DMBT1: variants seen among roughly 807,000 people sequenced by gnomAD.
The protein encoded by DMBT1 is scavenger receptor cysteine-rich domain-containing protein DMBT1.
A neutral mutation model predicts 252.9 loss-of-function variants in DMBT1; 198 were observed. The observed-to-expected ratio is 0.78, with a 90% CI of 0.70 to 0.88. The LOEUF is 0.88. DMBT1 is among the 40% of genes least tolerant of loss of function. The pLI is 0.00. For synonymous variants in DMBT1, 990 were observed against 942.7 expected, an observed-to-expected ratio of 1.05 and a Z score of -0.92; for missense variants, 2,432 against 2,404.7, an observed-to-expected ratio of 1.01 and a Z score of -0.24.
At chr10:122,566,055 TG>T in intron 2 of DMBT1, 59 bp downstream of exon 2, 1 of 1,556,870 alleles carries the variant, frequency 6.4e-7, no homozygotes, top group South Asian at 1.1e-5. Context: ...CCTCTGCTAC[TG>T]TTGGCTAGTT....
At chr10:122,617,490 C>G (rs1299192648) in intron 40 of DMBT1, among the ~76,000 whole-genome samples, 1 of 151,468 alleles carries the variant, frequency 6.6e-6, no homozygotes, top group Non-Finnish European at 1.5e-5. Flanking sequence ...AGGAACGATC[C>G]TCATCCAGGT....
At chr10:122,593,393 C>T (rs1212982500) in intron 20 of DMBT1, among the ~76,000 whole-genome samples, 176 bp from the exon 21 acceptor site, 1 of 148,162 alleles carries the variant, frequency 6.7e-6, no homozygotes, top group Non-Finnish European at 1.5e-5. Context: ...AAGGATCTGC[C>T]TCGACCCCTT....
intron 55 of DMBT1, among the ~76,000 whole-genome samples, chr10:122,641,911 C>CT: frequency 6.6e-6 from 1 of 152,236 alleles, no homozygotes; most frequent in East Asian, 1.9e-4. Flanking sequence ...TGCCCAGGCC[C>CT]TACCCATACA....
At position 122,622,650 on chromosome 10, in the gene DMBT1, T is replaced by C. The variant is rs1207987247; in HGVS notation, c.5608+1270T>C. 3.3e-5 allele frequency among the ~76,000 whole-genome samples: 5 copies of C among 152,274 alleles called. No individual in the cohort carries two copies. In the East Asian group the frequency reaches 7.7e-4, roughly 24 times the overall value. Reference sequence around the variant, plus strand: ...CTGACAAGGCCTGGGAGGACTTTGATTGACCTGCTTGTAAACAGGTGCTTT... The same window carrying C: ...CTGACAAGGCCTGGGAGGACTTTGACTGACCTGCTTGTAAACAGGTGCTTT... On this transcript the variant is annotated intron_variant, in intron 44 of 55. Coordinates refer to ENST00000338354, the MANE Select transcript of DMBT1 (RefSeq NM_001377530.1).
intron 2 of DMBT1, among the ~76,000 whole-genome samples, chr10:122,569,684 A>G (rs118116505): frequency 0.021 from 3,241 of 152,230 alleles, 60 homozygotes; most frequent in South Asian, 0.033. Context: ...CCCCAAGGGG[A>G]CATGGTCCTC....
chr10:122,576,775 C>T (rs2133544304), intron 7 of DMBT1, 53 bp downstream of exon 7: 1 of 1,605,962 alleles, frequency 6.2e-7, no homozygotes, highest in South Asian at 1.1e-5. Flanking sequence ...GCCTTTAATC[C>T]CCACACTTTG....
Position 122,633,592 on chromosome 10 carries a change from C to A in DMBT1, c.6548+251C>A, listed in dbSNP as rs566704470. On this transcript the variant is annotated intron_variant, in intron 52 of 55. Transcript: ENST00000338354. ...GTGGACAAAAGCTCTGGTTTCAAGT[C>A]CTAGGTCTTTCACCAATTTGCTGTG... Among the ~76,000 whole-genome samples the A allele has an allele frequency of 3.3e-5, 5 of 152,288 alleles. No individual in the cohort carries two copies. In the South Asian group the frequency reaches 1.0e-3, roughly 32 times the overall value.
At chr10:122,587,742 C>T (rs2097803347) in intron 16 of DMBT1, among the ~76,000 whole-genome samples, 1 of 148,626 alleles carries the variant, frequency 6.7e-6, no homozygotes, top group Non-Finnish European at 1.5e-5. Context: ...TTTCTGGTAC[C>T]TCCACTTGCC....
intron 6 of DMBT1, among the ~76,000 whole-genome samples, chr10:122,575,778 A>C (rs1374020749): frequency 2.0e-5 from 3 of 152,182 alleles, no homozygotes; most frequent in Non-Finnish European, 4.4e-5. Context: ...AGCTTCCTTC[A>C]TTGCCCATGT....
rs999926273 is a variant in DMBT1, at chr10:122,629,874, T to C, written c.5703T>C (p.Tyr1901=). The change falls in exon 47 of 56, where the codon TAT becomes TAC. Residue 1901 remains tyrosine, a synonymous_variant. Transcript: ENST00000338354. Reference sequence around the variant, plus strand: ...CAAATTGTGGTGGCTTCTTATTCTATGCCAGTGGGACATTCTCCAGCCCAT... The same window carrying C: ...CAAATTGTGGTGGCTTCTTATTCTACGCCAGTGGGACATTCTCCAGCCCAT... ...PSSNCGGFLF[Y]ASGTFSSPSY... 2 of 1,614,018 alleles carry C rather than the reference T, an allele frequency of 1.2e-6. No homozygotes were observed. Among genetic ancestry groups the C allele is most frequent in the Non-Finnish European group, 1.7e-6 (2 of 1,179,886 alleles).
At chr10:122,564,592 A>G (rs185757164) in intron 1 of DMBT1, among the ~76,000 whole-genome samples, 1 of 152,264 alleles carries the variant, frequency 6.6e-6, no homozygotes, top group East Asian at 1.9e-4. Context: ...ACATTTTGGT[A>G]TATAAACATC....
Position 122,643,229 on chromosome 10 carries a change from T to A in DMBT1, c.7460T>A (p.Leu2487Gln). ...CTGAACCGCTTCCCCTCCGTGTACC[T>A]GCGTTGTAAAATGGTGGTGTGCAGA... ...HFLNRFPSVY[L>Q]RCKMVVCRAY... The change falls in exon 56 of 56, where the codon CTG (leucine) becomes CAG (glutamine). Residue 2487 changes from leucine to glutamine, a missense_variant. This residue lies in a region of DMBT1 where 1,162 missense variants were observed against 1,169.0 expected (regional missense o/e 0.99). Coordinates refer to ENST00000338354, the MANE Select transcript of DMBT1 (RefSeq NM_001377530.1). The A allele has an allele frequency of 6.2e-7, 1 of 1,613,964 alleles. No homozygotes were observed. Among genetic ancestry groups the A allele is most frequent in the Non-Finnish European group, 8.5e-7 (1 of 1,179,876 alleles).
chr10:122,628,558 C>T (rs1231197606), intron 46 of DMBT1, among the ~76,000 whole-genome samples: 1 of 152,172 alleles, frequency 6.6e-6, no homozygotes, highest in Non-Finnish European at 1.5e-5. Context: ...ATCGCTTGAA[C>T]CCGGGAAGCG....
rs2097899979 is a variant in DMBT1, at chr10:122,598,008, A to G, written c.2952A>G (p.Thr984=). The change falls in exon 25 of 56, where the codon ACA becomes ACG. Residue 984 remains threonine (T), a synonymous_variant. Transcript: ENST00000338354. ...TLPTITLPAS[T]VGSESSLALR... ...CGACCATCACCTTGCCTGCATCGACAGTAGGTAAATATTCCTCTCGCCCCT... is the reference window on the plus strand; with the variant it reads ...CGACCATCACCTTGCCTGCATCGACGGTAGGTAAATATTCCTCTCGCCCCT... 8.7e-6 allele frequency: 14 copies of G among 1,613,944 alleles called. No homozygotes were observed. Among genetic ancestry groups the G allele is most frequent in the African/African-American group, 1.3e-5 (1 of 75,026 alleles).
rs770172595 is a variant in DMBT1, at chr10:122,572,304, C to T, written c.188-10C>T. 7.4e-6 allele frequency: 12 copies of T among 1,613,180 alleles called. No homozygotes were observed. The East Asian group carries it at 2.7e-4, about 36-fold the overall frequency. On this transcript the variant is annotated splice_polypyrimidine_tract_variant and intron_variant, in intron 4 of 55. Coordinates refer to ENST00000338354, the MANE Select transcript of DMBT1 (RefSeq NM_001377530.1). ...ACCATCAATGAGCTCTTCCTTTCTC[C>T]ACCCTGCAGGTTCTCCGATTTCCTT...
intron 49 of DMBT1, 83 bp downstream of exon 49, chr10:122,631,364 T>A: frequency 6.5e-7 from 1 of 1,528,300 alleles, no homozygotes; most frequent in Non-Finnish European, 8.9e-7. Flanking sequence ...TGATGGTGTC[T>A]GTGGCCCAGG....
intron 52 of DMBT1, among the ~76,000 whole-genome samples, chr10:122,634,750 G>A (rs2098212588): frequency 6.6e-6 from 1 of 152,020 alleles, no homozygotes; most frequent in Admixed American, 6.6e-5. Context: ...TCCCACCTCG[G>A]CCTCCCAAAG....
At chr10:122,580,019 C>T (rs1465798287) in intron 10 of DMBT1, 118 bp downstream of exon 10, 4 of 1,527,426 alleles carry the variant, frequency 2.6e-6, no homozygotes, top group African/African-American at 2.8e-5. Context: ...TTTCTGAAGA[C>T]TTGTCAGCTC....
chr10:122,621,413 G>C, intron 44 of DMBT1, 33 bp downstream of exon 44: 1 of 1,613,494 alleles, frequency 6.2e-7, no homozygotes, highest in Non-Finnish European at 8.5e-7. Flanking sequence ...TCCCTCTCTT[G>C]GGGTGGAGTT....
Sources: gnomAD v4.1 joint callset for allele counts (sites outside exome capture counted in the v4.1 genomes callset) on GRCh38, gnomAD v4.1.1 for gene constraint, gnomAD v4.1.1 regional missense constraint, MANE v1.5 for transcripts, NCBI Gene and HGNC (gene_info 2026-07-23, HGNC 2026-07-21) for gene names.